The following CRYBG1 variants were observed in gnomAD, a reference collection of about 807,000 sequenced individuals.
CRYBG1 encodes beta/gamma crystallin domain-containing protein 1.
Under a neutral mutation model 189.2 loss-of-function variants are expected in CRYBG1, and 139 were observed. That is an observed-to-expected ratio of 0.73 (90% CI 0.64 to 0.85). The LOEUF (loss-of-function observed/expected upper bound fraction) is 0.85, where lower values mean the gene tolerates loss of function less well. Ranked by LOEUF, CRYBG1 falls within the 40% of genes least tolerant of loss-of-function variation. The probability of loss-of-function intolerance (pLI) is 0.00; values close to 1 mark genes in which losing one functional copy is unlikely to be tolerated. For synonymous variants in CRYBG1, 1,023 were observed against 1,017.1 expected (o/e 1.01, Z -0.11); for missense variants, 2,611 against 2,675.8 (o/e 0.98, Z 0.53).
intron 2 of CRYBG1, among the ~76,000 whole-genome samples, chr6:106,478,810 T>G (rs1166259662): frequency 2.0e-5 from 3 of 152,176 alleles, no homozygotes; most frequent in African/African-American, 7.2e-5. Context: ...CGGCATTAGA[T>G]TCTCATAGGA....
At chr6:106,419,340 A>T (rs1382979067) in intron 1 of CRYBG1, among the ~76,000 whole-genome samples, 5 of 152,184 alleles carry the variant, frequency 3.3e-5, no homozygotes, top group Non-Finnish European at 7.4e-5. Context: ...TGTCACCATG[A>T]GAAAGACAAA....
In CRYBG1 at chr6:106,521,151, A is replaced by G. The variant is rs377595303; in HGVS notation, c.3943A>G (p.Asn1315Asp). ...PDNSLKVFNF[N>D]SSSTSHSSLK... ...CAACTCCTTAAAGGTCTTCAATTTC[A>G]ACTCGTCAAGTACATCACACTCCAG... The change falls in exon 4 of 22, where the codon AAC (asparagine) becomes GAC (aspartate). Residue 1315 changes from asparagine (N) to aspartate (D), a missense_variant. Transcript: ENST00000633556. 1.2e-6 allele frequency: 2 copies of G among 1,614,188 alleles called. No individual in the cohort carries two copies. Among genetic ancestry groups the G allele is most frequent in the Non-Finnish European group, 1.7e-6 (2 of 1,180,036 alleles).
chr6:106,510,628 C>A (rs901886874), intron 2 of CRYBG1, among the ~76,000 whole-genome samples: 4 of 152,200 alleles, frequency 2.6e-5, no homozygotes, highest in African/African-American at 2.4e-5. Flanking sequence ...GGCAGAGTCC[C>A]AAGCGCATCC....
chr6:106,542,443 C>T (rs998599257), intron 10 of CRYBG1, among the ~76,000 whole-genome samples: 2 of 151,288 alleles, frequency 1.3e-5, no homozygotes, highest in African/African-American at 4.8e-5. Flanking sequence ...CCACTACACC[C>T]AACTTTTTTT....
At chr6:106,533,674 G>A (rs2114559655) in intron 8 of CRYBG1, among the ~76,000 whole-genome samples, 1 of 152,244 alleles carries the variant, frequency 6.6e-6, no homozygotes, top group Non-Finnish European at 1.5e-5. Context: ...GGGTATGAGG[G>A]GCCAAGACAT....
At chr6:106,501,624 A>G (rs1272606434) in intron 2 of CRYBG1, among the ~76,000 whole-genome samples, 9 of 152,236 alleles carry the variant, frequency 5.9e-5, no homozygotes, top group Non-Finnish European at 1.3e-4. Flanking sequence ...AGATGTTCAC[A>G]TGTATCATTT....
chr6:106,525,175 G>A lies in CRYBG1; in HGVS notation c.4288G>A (p.Gly1430Arg). The change falls in exon 5 of 22, where the codon GGA becomes AGA. Residue 1430 changes from glycine (G) to arginine (R), a missense_variant. By Grantham distance (125) the Gly-to-Arg change is moderately radical. Around this residue, in one of 3 missense-constraint regions of CRYBG1, gnomAD observed 1,622 missense variants for 1,735.0 expected, o/e 0.93. Transcript: ENST00000633556. Reference sequence around the variant, plus strand: ...CCAAAATAAACTCAATCCCCGACCTGGAAAGGTAAGATTATTTTCTGTTTC... The same window carrying A: ...CCAAAATAAACTCAATCCCCGACCTAGAAAGGTAAGATTATTTTCTGTTTC... ...SVQNKLNPRP[G>R]KVVIYSEPDV... The A allele has an allele frequency of 6.2e-7, 1 of 1,614,050 alleles. No homozygotes were observed.
At chr6:106,374,322 G>C (rs994399023) in intron 1 of CRYBG1, among the ~76,000 whole-genome samples, 2 of 152,190 alleles carry the variant, frequency 1.3e-5, no homozygotes, top group Non-Finnish European at 2.9e-5. Flanking sequence ...GTGAGGCTAA[G>C]GTGGGAGGAT....
At chr6:106,483,469 G>GT (rs1429156242) in intron 2 of CRYBG1, among the ~76,000 whole-genome samples, 1 of 150,848 alleles carries the variant, frequency 6.6e-6, no homozygotes, top group East Asian at 2.0e-4. Flanking sequence ...TGGCTGTTGT[G>GT]AATAGTGCTA....
intron 13 of CRYBG1, among the ~76,000 whole-genome samples, chr6:106,549,007 C>T (rs1774335931): frequency 6.7e-6 from 1 of 148,862 alleles, no homozygotes; most frequent in South Asian, 2.1e-4. Flanking sequence ...GGTTTTTTGT[C>T]CTTGCGATCG....
rs1775018443 is a variant in CRYBG1, at chr6:106,570,179, C to A, written c.*1613C>A. On this transcript the variant is annotated 3_prime_UTR_variant, in exon 22 of 22. Coordinates refer to ENST00000633556, the MANE Select transcript of CRYBG1 (RefSeq NM_001371242.2). ...TTGTCACAGGTAGAACAGCTTGTTT[C>A]TTTTCCATCTATTCAAGTGTGTTTC... The A allele has an allele frequency of 6.6e-6, 1 of 152,214 alleles. No homozygotes were observed. Among genetic ancestry groups the A allele is most frequent in the Non-Finnish European group, 1.5e-5 (1 of 68,020 alleles). The allele number at this position is 152,214 out of a possible 1,614,324, so 9.4% of individuals were successfully genotyped here.
chr6:106,474,685 T>C (rs916760095), intron 2 of CRYBG1, among the ~76,000 whole-genome samples: 1 of 152,084 alleles, frequency 6.6e-6, no homozygotes, highest in Non-Finnish European at 1.5e-5. Flanking sequence ...GGGGAGGCTG[T>C]GTGCAGGGAA....
intron 1 of CRYBG1, among the ~76,000 whole-genome samples, chr6:106,418,311 G>A (rs1423193180): frequency 6.6e-6 from 1 of 152,200 alleles, no homozygotes; most frequent in African/African-American, 2.4e-5. Flanking sequence ...AATCAAATGG[G>A]AAAGGGCAGG....
chr6:106,488,049 G>C (rs1280997029), intron 2 of CRYBG1, among the ~76,000 whole-genome samples: 1 of 152,160 alleles, frequency 6.6e-6, no homozygotes, highest in African/African-American at 2.4e-5. Context: ...CAGTAGTGTG[G>C]TCTTCATAAA....
intron 2 of CRYBG1, among the ~76,000 whole-genome samples, chr6:106,479,848 C>T (rs1020089972): frequency 6.6e-6 from 1 of 152,120 alleles, no homozygotes; most frequent in African/African-American, 2.4e-5. Flanking sequence ...AAATATTTTC[C>T]TCCATTCTGT....
chr6:106,540,535 T>C (rs1774105920), intron 9 of CRYBG1, among the ~76,000 whole-genome samples: 1 of 152,234 alleles, frequency 6.6e-6, no homozygotes, highest in Non-Finnish European at 1.5e-5. Context: ...TTTGTGAATG[T>C]ATGAAAGAAT....
intron 2 of CRYBG1, among the ~76,000 whole-genome samples, chr6:106,481,549 T>C (rs910231507): frequency 5.3e-5 from 8 of 150,138 alleles, no homozygotes; most frequent in African/African-American, 2.0e-4. Flanking sequence ...CCTTCTCTCC[T>C]GGAGACCCTC....
Position 106,519,419 on chromosome 6 carries a change from TC to T in CRYBG1, c.2215del (p.Gln739ArgfsTer11). 6.2e-7 allele frequency: 1 copy of T among 1,613,906 alleles called. No homozygotes were observed. The highest frequency in any genetic ancestry group is 8.5e-7 in the Non-Finnish European group (1 of 1,180,010). On this transcript the variant is annotated frameshift_variant, in exon 4 of 22. Transcript: ENST00000633556. LOFTEE classifies it high-confidence loss of function. ...QPEKKVMPNS[P>X]QNGVLVKETA... The stretch of plus-strand genomic sequence containing the variant: ...CTGAAAAGAAAGTAATGCCAAACAG[TC>T]CCCAGAATGGTGTGCTGGTTAAGGA...
chr6:106,458,784 C>T (rs964304951), intron 2 of CRYBG1, among the ~76,000 whole-genome samples: 2 of 152,128 alleles, frequency 1.3e-5, no homozygotes, highest in African/African-American at 4.8e-5. Context: ...CACCCTTCTC[C>T]TCCCGCACAT....
Sources: gnomAD v4.1 joint callset for allele counts (sites outside exome capture counted in the v4.1 genomes callset) on GRCh38, gnomAD v4.1.1 for gene constraint, gnomAD v4.1.1 regional missense constraint, MANE v1.5 for transcripts, NCBI Gene and HGNC (gene_info 2026-07-23, HGNC 2026-07-21) for gene names.